The following CDK14 variants were observed in gnomAD, a reference collection of about 807,000 sequenced individuals.
The protein encoded by CDK14 is cyclin dependent kinase 14.
In CDK14, 34 loss-of-function variants were observed where a neutral mutation model predicts 60.7. The observed-to-expected ratio is 0.56, with a 90% CI of 0.43 to 0.75. CDK14 has a LOEUF of 0.75. Among genes scored for constraint, CDK14 ranks in the 30% least tolerant of loss-of-function variants. The probability of loss-of-function intolerance (pLI) is 0.00; values close to 1 mark genes in which losing one functional copy is unlikely to be tolerated. For missense variants in CDK14, 482 were observed against 564.1 expected (o/e 0.85, Z 1.47); for synonymous variants, 197 against 203.7 (o/e 0.97, Z 0.28).
At chr7:91,148,043 A>G (rs1800711555) in intron 14 of CDK14, among the ~76,000 whole-genome samples, 2 of 152,198 alleles carry the variant, frequency 1.3e-5, no homozygotes, top group South Asian at 4.1e-4. Flanking sequence ...TTTGAATAAA[A>G]TTAAGCTGTA....
rs1800503392 is a variant in CDK14 at position 90,647,798 on chromosome 7, G to A, written c.123+43549G>A. 2.6e-5 allele frequency among the ~76,000 whole-genome samples: 4 copies of A among 152,150 alleles called. No homozygotes were observed. The South Asian group carries it at 8.3e-4, about 32-fold the overall frequency. On this transcript the variant is annotated intron_variant, in intron 2 of 14. Coordinates refer to ENST00000380050, the MANE Select transcript of CDK14 (RefSeq NM_001287135.2). ...TTGAGCCCAGGAGTTCGAGGCTGCA[G>A]TGAGCTATGGTTGCACCACTGCACT...
intron 5 of CDK14, among the ~76,000 whole-genome samples, chr7:90,816,077 A>T (rs1409013748): frequency 6.6e-6 from 1 of 150,762 alleles, no homozygotes; most frequent in Non-Finnish European, 1.5e-5. Flanking sequence ...CAGAACTTAA[A>T]ATTTTTTTAA....
At chr7:91,186,675 C>G (rs1802202649) in intron 14 of CDK14, among the ~76,000 whole-genome samples, 1 of 152,174 alleles carries the variant, frequency 6.6e-6, no homozygotes, top group Non-Finnish European at 1.5e-5. Flanking sequence ...CAGCAGGACA[C>G]AGTACACTCC....
chr7:90,619,910 C>T lies in CDK14; in HGVS notation c.123+15661C>T, dbSNP rs141817202. On this transcript the variant is annotated intron_variant, in intron 2 of 14. Coordinates refer to ENST00000380050, the MANE Select transcript of CDK14 (RefSeq NM_001287135.2). ...ACTTGGGAGGCTGAGGCAGGAGAAT[C>T]GCTTGAACCCAGGAGGCAGAGGTTG... is the stretch of plus-strand genomic sequence containing the variant. Among the ~76,000 whole-genome samples the T allele has an allele frequency of 7.7e-4, 118 of 152,268 alleles. 1 individual carries two copies. In the East Asian group the frequency reaches 0.016, roughly 20 times the overall value.
chr7:91,015,791 CA>C (rs74909689), intron 10 of CDK14, among the ~76,000 whole-genome samples: 159 of 140,316 alleles, frequency 1.1e-3, no homozygotes, highest in South Asian at 4.7e-3. Context: ...GTTTATATAC[CA>C]AAAAAAAAAG....
chr7:91,182,452 TAAA>T (rs1802034447), intron 14 of CDK14, among the ~76,000 whole-genome samples: 1 of 152,030 alleles, frequency 6.6e-6, no homozygotes, highest in African/African-American at 2.4e-5. Flanking sequence ...GTCAGATTGA[TAAA>T]ATAAGGTTTA....
chr7:90,630,957 CTT>C (rs1430799185), intron 2 of CDK14, among the ~76,000 whole-genome samples: 1 of 150,418 alleles, frequency 6.6e-6, no homozygotes, highest in Non-Finnish European at 1.5e-5. Context: ...AAGTTAATCT[CTT>C]TTATTTTCTT....
chr7:91,008,134 AAAAAAAAAAAACAAAC>A (rs1431955169), intron 10 of CDK14, among the ~76,000 whole-genome samples: 1 of 143,676 alleles, frequency 7.0e-6, no homozygotes, highest in Non-Finnish European at 1.5e-5. Flanking sequence ...GGCCAAAAAA[AAAAAAAAAAAACAAAC>A]AAAAAAAAAC....
rs149072719 is a variant in CDK14, at chr7:91,001,251, G to A, written c.1041+17010G>A. Among the ~76,000 whole-genome samples, 241 of 152,224 alleles carry A rather than the reference G, an allele frequency of 1.6e-3. 1 individual carries two copies. The highest frequency in any genetic ancestry group is 5.5e-3 in the African/African-American group (227 of 41,554). The stretch of plus-strand genomic sequence containing the variant: ...ATTAATTCCCTTCTTTTCCCCTTAA[G>A]GGAGACTAGTAAGAATTTGAAGACA... On this transcript the variant is annotated intron_variant, in intron 10 of 14. Transcript: ENST00000380050.
intron 5 of CDK14, among the ~76,000 whole-genome samples, chr7:90,836,246 C>A (rs564273387): frequency 3.4e-4 from 51 of 152,150 alleles, no homozygotes; most frequent in Non-Finnish European, 5.4e-4. Flanking sequence ...CTTTTAGACT[C>A]TTTTATAATA....
At chr7:91,156,056 T>C (rs1423334920) in intron 14 of CDK14, among the ~76,000 whole-genome samples, 1 of 152,218 alleles carries the variant, frequency 6.6e-6, no homozygotes, top group Non-Finnish European at 1.5e-5. Flanking sequence ...TTCGCTGTTA[T>C]TACATTTTAA....
chr7:90,757,268 C>T (rs1024051451), intron 4 of CDK14, among the ~76,000 whole-genome samples: 1 of 116,032 alleles, frequency 8.6e-6, no homozygotes, highest in Non-Finnish European at 2.0e-5. Context: ...GTGTCTGTGT[C>T]CAAGTTTTCC....
chr7:91,040,284 C>T (rs375922755), intron 10 of CDK14, among the ~76,000 whole-genome samples: 5 of 152,052 alleles, frequency 3.3e-5, no homozygotes, highest in Admixed American at 6.5e-5. Context: ...CAGAATTAGG[C>T]GGTTCTGCTT....
intron 2 of CDK14, among the ~76,000 whole-genome samples, chr7:90,620,360 G>C (rs1799740976): frequency 6.6e-6 from 1 of 152,058 alleles, no homozygotes; most frequent in African/African-American, 2.4e-5. Context: ...GCATGTCAGG[G>C]GCAATGACAA....
intron 4 of CDK14, among the ~76,000 whole-genome samples, chr7:90,755,860 A>G (rs1195148281): frequency 6.6e-6 from 1 of 152,200 alleles, no homozygotes; most frequent in Non-Finnish European, 1.5e-5. Flanking sequence ...TACTAAATTT[A>G]GTGTCAATAA....
At chr7:90,702,203 T>C (rs908793476) in intron 2 of CDK14, among the ~76,000 whole-genome samples, 1 of 152,172 alleles carries the variant, frequency 6.6e-6, no homozygotes, top group Admixed American at 6.5e-5. Context: ...CAGGAACCTA[T>C]CCTATTTTAA....
intron 2 of CDK14, among the ~76,000 whole-genome samples, chr7:90,637,252 G>A (rs1490582008): frequency 1.3e-5 from 2 of 150,910 alleles, no homozygotes; most frequent in Admixed American, 6.6e-5. Context: ...GATCTTTCCT[G>A]CTTTCTCTTG....
chr7:90,839,873 G>C (rs1210914633), intron 5 of CDK14, among the ~76,000 whole-genome samples: 1 of 151,904 alleles, frequency 6.6e-6, no homozygotes. Flanking sequence ...TTATGTTGTT[G>C]CCTCATGCCT....
At chr7:90,788,196 A>C (rs1415574186) in intron 4 of CDK14, among the ~76,000 whole-genome samples, 1 of 152,108 alleles carries the variant, frequency 6.6e-6, no homozygotes, top group Non-Finnish European at 1.5e-5. Context: ...TCTGTAAATG[A>C]GGGGAAAATT....
Sources: gnomAD v4.1 joint callset for allele counts (sites outside exome capture counted in the v4.1 genomes callset) on GRCh38, gnomAD v4.1.1 for gene constraint, MANE v1.5 for transcripts, NCBI Gene and HGNC (gene_info 2026-07-23, HGNC 2026-07-21) for gene names.